Variants in ABCC12 observed in about 807,000 individuals in gnomAD.
The protein encoded by ABCC12 is ATP binding cassette subfamily C member 12.
A neutral mutation model predicts 151.1 loss-of-function variants in ABCC12; 142 were observed. The ratio of observed to expected loss-of-function variants is 0.94; its 90% CI spans 0.82 to 1.08. The LOEUF is 1.08. ABCC12 is among the 50% of genes least tolerant of loss of function. The pLI is 0.00. For synonymous variants in ABCC12, 645 were observed against 646.4 expected (o/e 1.00, Z 0.03); for missense variants, 1,638 against 1,691.1 (o/e 0.97, Z 0.55).
chr16:48,117,196 C>T, intron 14 of ABCC12, 65 bp downstream of exon 14: 9 of 1,480,842 alleles, frequency 6.1e-6, no homozygotes, highest in Non-Finnish European at 8.3e-6. Flanking sequence ...TGGCCTCAGC[C>T]CTTTGGACCT....
At chr16:48,149,068 A>G (rs968744551) in intron 2 of ABCC12, among the ~76,000 whole-genome samples, 5 of 152,176 alleles carry the variant, frequency 3.3e-5, no homozygotes, top group Non-Finnish European at 7.3e-5. Flanking sequence ...ATAAGCACAC[A>G]ATAACACACA....
Position 48,107,420 on chromosome 16 carries a change from G to C in ABCC12, c.2377C>G (p.Leu793Val). 6.2e-7 allele frequency: 1 copy of C among 1,614,078 alleles called. No individual in the cohort carries two copies. The highest frequency in any genetic ancestry group is 1.1e-5 in the South Asian group (1 of 91,080). Reference sequence around the variant, plus strand: ...AGGAACACAGTGAAGAGAGAAAGGAGGTACCCTGCAAGAGGAGCGGAGAGG... The same window carrying C: ...AGGAACACAGTGAAGAGAGAAAGGACGTACCCTGCAAGAGGAGCGGAGAGG... ...HTYIKASGGY[L>V]LSLFTVFLFL... Residue 793 changes from leucine to valine, a missense_variant, in exon 20 of 31, where the codon CTC (leucine) becomes GTC (valine). Coordinates refer to ENST00000311303, the MANE Select transcript of ABCC12 (RefSeq NM_001393797.1).
At chr16:48,130,535 A>T (rs929825618) in intron 10 of ABCC12, among the ~76,000 whole-genome samples, 1 of 152,238 alleles carries the variant, frequency 6.6e-6, no homozygotes, top group Non-Finnish European at 1.5e-5. Context: ...ATTGTTTAGG[A>T]AAAAGAGGAT....
chr16:48,110,304 G>C (rs1433827881), intron 18 of ABCC12, among the ~76,000 whole-genome samples: 1 of 152,136 alleles, frequency 6.6e-6, no homozygotes, highest in Admixed American at 6.5e-5. Flanking sequence ...ATATCGTTTA[G>C]TTAGCAGAGA....
chr16:48,114,968 C>T (rs1054979567), intron 15 of ABCC12, among the ~76,000 whole-genome samples: 15 of 152,330 alleles, frequency 9.8e-5, no homozygotes, highest in Non-Finnish European at 5.9e-5. Flanking sequence ...GGGTGTGATA[C>T]CTGGGGCATC....
Position 48,105,256 on chromosome 16 carries a change from C to T in ABCC12, c.2556G>A (p.Gln852=), listed in dbSNP as rs1963451567. 1 of 1,614,164 alleles carries T rather than the reference C, an allele frequency of 6.2e-7. No individual in the cohort carries two copies. Residue 852 remains glutamine, a synonymous_variant, in exon 21 of 31, where the codon CAG becomes CAA. Coordinates refer to ENST00000311303, the MANE Select transcript of ABCC12 (RefSeq NM_001393797.1). ...VLADIGQHVY[Q]WVYTASMVFM... is the part of the protein sequence containing the mutation. ...ACACCATGCTTGCAGTGTACACCCA[C>T]TGGTACACATGCTGACCGATGTCTG...
In ABCC12 at chr16:48,133,760, A is replaced by G. The variant is rs150761214; in HGVS notation, c.1055T>C (p.Ile352Thr). 2.2e-4 allele frequency: 355 copies of G among 1,613,992 alleles called. No individual in the cohort carries two copies. The highest frequency in any genetic ancestry group is 7.9e-5 in the Non-Finnish European group (93 of 1,180,030). ...CAGCACGATGGCTATGGTGGACACG[A>G]TGGGGGCCAGGGCAGAGTTTCCACT... ...VQSGNSALAP[I>T]VSTIAIVLTL... The change falls in exon 9 of 31, where the codon ATC becomes ACC. Residue 352 changes from isoleucine (I) to threonine (T), a missense_variant. Transcript: ENST00000311303.
At chr16:48,119,971 C>G (rs967344787) in intron 13 of ABCC12, among the ~76,000 whole-genome samples, 13 of 152,150 alleles carry the variant, frequency 8.5e-5, no homozygotes, top group African/African-American at 2.7e-4. Flanking sequence ...GCCACAATCT[C>G]TCTAAATGGG....
intron 2 of ABCC12, among the ~76,000 whole-genome samples, chr16:48,152,010 GT>G (rs1965123109): frequency 2.6e-5 from 4 of 152,200 alleles, no homozygotes; most frequent in African/African-American, 9.7e-5. Flanking sequence ...TGGTGTGCCC[GT>G]GTCATGGGGC....
rs1964814885 is a variant in ABCC12 at position 48,141,505 on chromosome 16, C to G, written c.276-152G>C. On this transcript the variant is annotated intron_variant, in intron 4 of 30. Transcript: ENST00000311303. Reference sequence around the variant, plus strand: ...GCACTGGCTCAGCTTTCTGCTCTTCCTGAGCAGGTGGGATTTGGGAAGGGC... The same window carrying G: ...GCACTGGCTCAGCTTTCTGCTCTTCGTGAGCAGGTGGGATTTGGGAAGGGC... The G allele has an allele frequency of 7.8e-6, 8 of 1,031,232 alleles. No homozygotes were observed. The Admixed American group carries it at 2.0e-4, about 26-fold the overall frequency. 63.9% of individuals were successfully genotyped at this position (1,031,232 alleles called of 1,614,324 possible).
intron 18 of ABCC12, among the ~76,000 whole-genome samples, chr16:48,110,859 C>A (rs565370657): frequency 1.3e-5 from 2 of 152,360 alleles, no homozygotes; most frequent in East Asian, 3.9e-4. Flanking sequence ...ACCACAAGAT[C>A]CTGAGAACAC....
chr16:48,127,193 A>G (rs892109391), intron 11 of ABCC12, among the ~76,000 whole-genome samples: 1 of 152,190 alleles, frequency 6.6e-6, no homozygotes, highest in Non-Finnish European at 1.5e-5. Flanking sequence ...CTCTCCTTCT[A>G]TAGCGCTTGC....
intron 26 of ABCC12, 93 bp from the exon 27 acceptor site, chr16:48,088,178 G>A: frequency 7.1e-7 from 1 of 1,400,456 alleles, no homozygotes. Context: ...TTAATGCAAT[G>A]CAAATGTCTC....
intron 28 of ABCC12, chr16:48,086,057 T>G (rs184457085): frequency 4.3e-4 from 98 of 228,628 alleles, no homozygotes; most frequent in African/African-American, 2.1e-3. Flanking sequence ...GGGAGAGTTT[T>G]CTGGACATTA....
At chr16:48,138,966 C>G (rs548395348) in intron 7 of ABCC12, among the ~76,000 whole-genome samples, 197 bp downstream of exon 7, 117 of 152,018 alleles carry the variant, frequency 7.7e-4, no homozygotes, top group Non-Finnish European at 1.6e-3. Context: ...GAGACCCTGT[C>G]ACTAAACAAA....
In ABCC12 at chr16:48,128,626, T is replaced by C; in HGVS notation, c.1348A>G (p.Lys450Glu). Reference protein sequence around the residue: ...TLTWEHEASRKSTPKKLQNQK... With the variant: ...TLTWEHEASRESTPKKLQNQK... The stretch of plus-strand genomic sequence containing the variant: ...TTCTGCAATTTCTTTGGGGTACTTT[T>C]CCTGCTGGCTTCATGCTCCCATGTC... The change falls in exon 11 of 31, where the codon AAA (lysine) becomes GAA (glutamate). Residue 450 changes from lysine to glutamate, a missense_variant. By Grantham distance (56) the Lys-to-Glu change is moderately conservative. Transcript: ENST00000311303. 6.2e-7 allele frequency: 1 copy of C among 1,614,214 alleles called. No homozygotes were observed. Among genetic ancestry groups the C allele is most frequent in the Non-Finnish European group, 8.5e-7 (1 of 1,180,024 alleles).
chr16:48,139,061 G>T, intron 7 of ABCC12, 102 bp downstream of exon 7: 2 of 1,310,336 alleles, frequency 1.5e-6, no homozygotes, highest in Non-Finnish European at 2.1e-6. Context: ...ACAAAATGGG[G>T]CACAGGCTTC....
chr16:48,092,039 C>G (rs907458701), intron 24 of ABCC12, among the ~76,000 whole-genome samples: 1 of 152,160 alleles, frequency 6.6e-6, no homozygotes, highest in African/African-American at 2.4e-5. Context: ...AGCTACAAGA[C>G]AAGAGATGCC....
Position 48,111,676 on chromosome 16 carries a change from G to C in ABCC12, c.2125-14C>G. On this transcript the variant is annotated splice_polypyrimidine_tract_variant and intron_variant, in intron 16 of 30. Transcript: ENST00000311303. ...GTGTTCAGGATCCTGGAGACAAAAT[G>C]AAATTCCTTCTGAATGCTAAGTGAC... is the stretch of plus-strand genomic sequence containing the variant. 2 of 1,614,112 alleles carry C rather than the reference G, an allele frequency of 1.2e-6. No individual in the cohort carries two copies. The highest frequency in any genetic ancestry group is 1.7e-6 in the Non-Finnish European group (2 of 1,180,006).
Sources: gnomAD v4.1 joint callset for allele counts (sites outside exome capture counted in the v4.1 genomes callset) on GRCh38, gnomAD v4.1.1 for gene constraint, MANE v1.5 for transcripts, NCBI Gene and HGNC (gene_info 2026-07-23, HGNC 2026-07-21) for gene names.